The following SLC9C1 variants were observed in gnomAD, a reference collection of about 807,000 sequenced individuals.
SLC9C1 encodes the protein solute carrier family 9 member C1, also known as sodium/hydrogen exchanger 10.
Under a neutral mutation model 140.9 loss-of-function variants are expected in SLC9C1, and 97 were observed. The ratio of observed to expected loss-of-function variants is 0.69; its 90% CI spans 0.58 to 0.82. The LOEUF (loss-of-function observed/expected upper bound fraction) is 0.82, where lower values mean the gene tolerates loss of function less well. SLC9C1 is among the 40% of genes least tolerant of loss of function. SLC9C1 has a pLI of 0.00. For synonymous variants in SLC9C1, 440 were observed against 442.6 expected, an observed-to-expected ratio of 0.99 and a Z score of 0.07; for missense variants, 1,340 against 1,389.3, an observed-to-expected ratio of 0.96 and a Z score of 0.56.
At chr3:112,274,265 T>TA (rs1194457110) in intron 6 of SLC9C1, among the ~76,000 whole-genome samples, 3 of 152,100 alleles carry the variant, frequency 2.0e-5, no homozygotes, top group African/African-American at 7.2e-5. Flanking sequence ...GATTAATAGT[T>TA]ATATAGCTGT....
In SLC9C1 at chr3:112,255,409, CAG is replaced by C. The variant is rs905211833; in HGVS notation, c.1197+7513_1197+7514del. ...CTCTAAGATCACAGCACAATAAAAA[CAG>C]AAATTAAGGCTAAAAAACTACTCAA... is the stretch of plus-strand genomic sequence containing the variant. On this transcript the variant is annotated intron_variant, in intron 10 of 28. Transcript: ENST00000305815. 1.1e-4 allele frequency among the ~76,000 whole-genome samples: 17 copies of C among 151,986 alleles called. No individual in the cohort carries two copies. In the Middle Eastern group the frequency reaches 0.01, roughly 91 times the overall value.
chr3:112,280,798 T>G lies in SLC9C1; in HGVS notation c.89-15A>C. On this transcript the variant is annotated splice_polypyrimidine_tract_variant and intron_variant, in intron 2 of 28. Coordinates refer to ENST00000305815, the MANE Select transcript of SLC9C1 (RefSeq NM_183061.3). ...GTTCAAAAATGCTGCAAAAAATATG[T>G]TGTTACTGAAAGGCAATGAGATATC... is the stretch of plus-strand genomic sequence containing the variant. 6.2e-7 allele frequency: 1 copy of G among 1,606,084 alleles called. No homozygotes were observed. The highest frequency in any genetic ancestry group is 8.5e-7 in the Non-Finnish European group (1 of 1,176,080).
At chr3:112,157,763 AT>A (rs56091442) in intron 26 of SLC9C1, among the ~76,000 whole-genome samples, 77,343 of 148,934 alleles carry the variant, frequency 0.52, 21,458 homozygotes, top group Non-Finnish European at 0.63. Context: ...ATTCCTAGGT[AT>A]TTTTTTTTTT....
intron 27 of SLC9C1, among the ~76,000 whole-genome samples, chr3:112,154,404 T>C (rs2075070971): frequency 6.6e-6 from 1 of 152,202 alleles, no homozygotes; most frequent in Non-Finnish European, 1.5e-5. Flanking sequence ...CCTATAGTGT[T>C]TCACAGCTTG....
In SLC9C1 at chr3:112,141,298, G is replaced by GA. The variant is rs1559994415; in HGVS notation, c.3525-18dup. 2.5e-6 allele frequency: 4 copies of GA among 1,578,484 alleles called. No individual in the cohort carries two copies. The highest frequency in any genetic ancestry group is 1.4e-5 in the African/African-American group (1 of 72,142). ...TACTCTTTCCTAATAGAAGCGGAAA[G>GA]AAAAAACAAAAACATAGAGGGCTTT... is the stretch of plus-strand genomic sequence containing the variant. On this transcript the variant is annotated splice_polypyrimidine_tract_variant and intron_variant, in intron 28 of 28. Transcript: ENST00000305815.
chr3:112,277,838 C>A lies in SLC9C1; in HGVS notation c.341G>T (p.Gly114Val). The change falls in exon 5 of 29, where the codon GGC becomes GTC. Residue 114 changes from glycine (G) to valine (V), a missense_variant. Coordinates refer to ENST00000305815, the MANE Select transcript of SLC9C1 (RefSeq NM_183061.3). ...AACTAAGATATAATTAACCAAAAAGCCGGGAATTGAAATTAAAAGTATCTG... is the reference window on the plus strand; with the variant it reads ...AACTAAGATATAATTAACCAAAAAGACGGGAATTGAAATTAAAAGTATCTG... ...FWQILLISIP[G>V]FLVNYILVLW... is the part of the protein sequence containing the mutation. 6.3e-7 allele frequency: 1 copy of A among 1,596,384 alleles called. No individual in the cohort carries two copies. Among genetic ancestry groups the A allele is most frequent in the Non-Finnish European group, 8.5e-7 (1 of 1,174,514 alleles).
chr3:112,209,072 A>G (rs916181549), intron 15 of SLC9C1, among the ~76,000 whole-genome samples: 8 of 152,340 alleles, frequency 5.3e-5, no homozygotes, highest in Admixed American at 1.3e-4. Context: ...GTATAGTAAT[A>G]CACTATTGTT....
chr3:112,150,840 A>ATTTTT (rs1180027200), intron 28 of SLC9C1, among the ~76,000 whole-genome samples: 1 of 57,320 alleles, frequency 1.7e-5, no homozygotes, highest in African/African-American at 7.2e-5. Context: ...ATATATATAT[A>ATTTTT]TTTTTTTTTT....
chr3:112,263,015 C>T lies in SLC9C1; in HGVS notation c.1106G>A (p.Cys369Tyr), dbSNP rs2079818660. ...ATTAGGCATCCCCTTCATTTCACTA[C>T]AGACCATTATGAATATCCAGCGCCA... ...FSWRWIFIMV[C>Y]SEMKGMPNIN... The change falls in exon 10 of 29, where the codon TGT becomes TAT. Residue 369 changes from cysteine (C) to tyrosine (Y), a missense_variant. Physicochemically the swap from Cys to Tyr is radical, Grantham distance 194 (BLOSUM62 -2). Coordinates refer to ENST00000305815, the MANE Select transcript of SLC9C1 (RefSeq NM_183061.3). 1.9e-6 allele frequency: 3 copies of T among 1,607,810 alleles called. No homozygotes were observed. Among genetic ancestry groups the T allele is most frequent in the Non-Finnish European group, 2.5e-6 (3 of 1,177,118 alleles).
rs566080713 is a variant in SLC9C1 at position 112,225,955 on chromosome 3, A to G, written c.1573-4730T>C. Among the ~76,000 whole-genome samples the G allele has an allele frequency of 3.7e-4, 56 of 152,258 alleles. 1 individual carries two copies. In the South Asian group the frequency reaches 9.5e-3, roughly 26 times the overall value. ...GATCTGAAGGGAGAGAAAGACTCCA[A>G]TACGATAATAGTTGGGTCTTTAAAA... is the stretch of plus-strand genomic sequence containing the variant. On this transcript the variant is annotated intron_variant, in intron 13 of 28. Coordinates refer to ENST00000305815, the MANE Select transcript of SLC9C1 (RefSeq NM_183061.3).
At chr3:112,145,589 C>CT (rs61547345) in intron 28 of SLC9C1, among the ~76,000 whole-genome samples, 15,301 of 28,446 alleles carry the variant, frequency 0.54, 4,365 homozygotes, top group Middle Eastern at 0.64. Flanking sequence ...CTGCCCTTGG[C>CT]TTTTTTTTTT....
intron 17 of SLC9C1, 89 bp from the exon 18 acceptor site, chr3:112,202,488 A>G: frequency 1.5e-6 from 2 of 1,327,970 alleles, no homozygotes; most frequent in Non-Finnish European, 2.0e-6. Context: ...GTTAATAATA[A>G]GAAATTAAGT....
At chr3:112,284,771 C>A (rs921224422) in intron 2 of SLC9C1, among the ~76,000 whole-genome samples, 1 of 152,158 alleles carries the variant, frequency 6.6e-6, no homozygotes, top group South Asian at 2.1e-4. Flanking sequence ...AGGAGTGAGA[C>A]AATTTGCCAA....
At position 112,239,840 on chromosome 3, in the gene SLC9C1, C is replaced by G; in HGVS notation, c.1446G>C (p.Met482Ile). 1 of 1,603,748 alleles carries G rather than the reference C, an allele frequency of 6.2e-7. No homozygotes were observed. Among genetic ancestry groups the G allele is most frequent in the African/African-American group, 1.3e-5 (1 of 74,590 alleles). Reference sequence around the variant, plus strand: ...AATAAAAAAGATATTACTTGCTTACCATGTATGGGTTTTCAAGTGTAATTG... The same window carrying G: ...AATAAAAAAGATATTACTTGCTTACGATGTATGGGTTTTCAAGTGTAATTG... ...EKAITLENPY[M>I]LNEEETTEHQ... Residue 482 changes from methionine (M) to isoleucine (I), a missense_variant and splice_region_variant, in exon 12 of 29, where the codon ATG becomes ATC. Physicochemically the swap from Met to Ile is conservative, Grantham distance 10 (BLOSUM62 1). Coordinates refer to ENST00000305815, the MANE Select transcript of SLC9C1 (RefSeq NM_183061.3).
chr3:112,188,087 C>T (rs1328004082), intron 20 of SLC9C1, among the ~76,000 whole-genome samples: 1 of 152,088 alleles, frequency 6.6e-6, no homozygotes, highest in African/African-American at 2.4e-5. Context: ...CATGGCCATA[C>T]TACAATTTAT....
intron 10 of SLC9C1, among the ~76,000 whole-genome samples, chr3:112,249,950 A>C (rs1057061553): frequency 6.6e-6 from 1 of 152,090 alleles, no homozygotes; most frequent in Admixed American, 6.6e-5. Context: ...TTTAGGGTAC[A>C]TGTGCACAAC....
At chr3:112,156,029 C>T (rs1386180548) in intron 26 of SLC9C1, among the ~76,000 whole-genome samples, 1 of 151,978 alleles carries the variant, frequency 6.6e-6, no homozygotes, top group Non-Finnish European at 1.5e-5. Flanking sequence ...CAATTCTTCT[C>T]TTCTGGCTAT....
intron 20 of SLC9C1, among the ~76,000 whole-genome samples, chr3:112,197,067 C>A (rs1431427698): frequency 6.6e-6 from 1 of 151,882 alleles, no homozygotes; most frequent in Non-Finnish European, 1.5e-5. Context: ...TGGTTGTAGT[C>A]TGTCTCTGAG....
chr3:112,284,985 C>CTTTTTTT lies in SLC9C1; in HGVS notation c.88+1712_88+1718dup, dbSNP rs61428176. 4.7e-4 allele frequency among the ~76,000 whole-genome samples: 49 copies of CTTTTTTT among 103,858 alleles called. 1 individual carries two copies. The highest frequency in any genetic ancestry group is 8.9e-4 in the East Asian group (3 of 3,376). 68.1% of individuals were successfully genotyped at this position (103,858 alleles called of 152,430 possible). A position where few individuals can be genotyped will look rare whatever the true frequency, so the allele number is the denominator to read the frequency against. ...ATTATTAGAAAAAAATACAATTTTT[C>CTTTTTTT]TTTTTTTTTTTTTTTTTTTGAGACA... On this transcript the variant is annotated intron_variant, in intron 2 of 28. Coordinates refer to ENST00000305815, the MANE Select transcript of SLC9C1 (RefSeq NM_183061.3).
Sources: gnomAD v4.1 joint callset for allele counts (sites outside exome capture counted in the v4.1 genomes callset) on GRCh38, gnomAD v4.1.1 for gene constraint, MANE v1.5 for transcripts, NCBI Gene and HGNC (gene_info 2026-07-23, HGNC 2026-07-21) for gene names.